The following LARGE1 variants were observed in gnomAD, a reference collection of about 807,000 sequenced individuals.
The protein encoded by LARGE1 is LARGE xylosyl- and glucuronyltransferase 1.
LARGE1 carries 43 observed loss-of-function variants against 87.6 expected under a neutral mutation model. That is an observed-to-expected ratio of 0.49 (90% CI 0.38 to 0.63). LARGE1 has a LOEUF of 0.63. Among genes scored for constraint, LARGE1 ranks in the 30% least tolerant of loss-of-function variants. The pLI, the probability that LARGE1 is intolerant of heterozygous loss-of-function variation, is 0.00. For synonymous variants in LARGE1, 434 were observed against 394.6 expected (o/e 1.10, Z -1.18); for missense variants, 802 against 1,000.2 (o/e 0.80, Z 2.67).
chr22:33,891,682 T>C (rs2065010566), intron 1 of LARGE1, among the ~76,000 whole-genome samples: 1 of 152,206 alleles, frequency 6.6e-6, no homozygotes, highest in African/African-American at 2.4e-5. Context: ...ACACAGTACA[T>C]AGACCAAATA....
intron 11 of LARGE1, among the ~76,000 whole-genome samples, chr22:33,172,143 G>C (rs1274444362): frequency 6.6e-6 from 1 of 152,252 alleles, no homozygotes; most frequent in Non-Finnish European, 1.5e-5. Context: ...CATGGGGCCT[G>C]TGGCCCCTTT....
At chr22:33,428,929 C>CA (rs113271121) in intron 7 of LARGE1, among the ~76,000 whole-genome samples, 31,449 of 105,302 alleles carry the variant, frequency 0.3, 6,302 homozygotes, top group African/African-American at 0.57. Context: ...GACTCTGTCT[C>CA]AAAAAAAAAG....
At chr22:33,268,485 T>C (rs1174968687), downstream of LARGE1, among the ~76,000 whole-genome samples, 3 of 150,266 alleles carry the variant, frequency 2.0e-5, no homozygotes, top group African/African-American at 4.9e-5. Flanking sequence ...CTGGAGTGCA[T>C]GGCGCGATCT....
intron 1 of LARGE1, among the ~76,000 whole-genome samples, chr22:33,860,876 G>A (rs369758401): frequency 1.3e-5 from 2 of 152,156 alleles, no homozygotes; most frequent in African/African-American, 4.8e-5. Context: ...CGTGGGCGCA[G>A]CCAGCCTGAG....
chr22:33,821,952 G>GT (rs11425081), intron 1 of LARGE1, among the ~76,000 whole-genome samples: 77,072 of 137,676 alleles, frequency 0.56, 22,033 homozygotes, highest in African/African-American at 0.72. Flanking sequence ...ACTTTTTTAG[G>GT]TTTTTTTTTT....
intron 1 of LARGE1, among the ~76,000 whole-genome samples, chr22:33,762,453 C>T (rs86477): frequency 0.39 from 58,754 of 151,822 alleles, 11,481 homozygotes; most frequent in East Asian, 0.44. Context: ...CTAAAGAGCA[C>T]ATGCCAAGGC....
chr22:33,657,435 C>A (rs1295831360), intron 2 of LARGE1, among the ~76,000 whole-genome samples: 3 of 152,180 alleles, frequency 2.0e-5, no homozygotes, highest in Non-Finnish European at 4.4e-5. Context: ...CAAACTTTTT[C>A]TGTAAACATC....
chr22:33,501,068 G>T, intron 6 of LARGE1, among the ~76,000 whole-genome samples: 1 of 152,140 alleles, frequency 6.6e-6, no homozygotes, highest in East Asian at 1.9e-4. Context: ...CCCTAAGGAG[G>T]AATCAAAGAC....
chr22:33,722,320 G>GGGAGAGGAGGGAGAGGGAGA (rs1221906227), intron 2 of LARGE1, among the ~76,000 whole-genome samples: 2 of 133,442 alleles, frequency 1.5e-5, no homozygotes, highest in African/African-American at 2.7e-5. Context: ...AGGAGGGAGA[G>GGGAGAGGAGGGAGAGGGAGA]GGAGAGGAGG....
chr22:33,463,991 G>C (rs2068486138), intron 6 of LARGE1, among the ~76,000 whole-genome samples: 1 of 152,006 alleles, frequency 6.6e-6, no homozygotes, highest in Non-Finnish European at 1.5e-5. Flanking sequence ...GTTTTTAATA[G>C]TTCAATTTTT....
intron 11 of LARGE1, among the ~76,000 whole-genome samples, chr22:33,232,543 AG>A (rs1442903999): frequency 6.6e-6 from 1 of 152,248 alleles, no homozygotes; most frequent in African/African-American, 2.4e-5. Context: ...GATGGACTAA[AG>A]ATTAGCTTAA....
At chr22:33,401,210 GTTGA>G (rs2065916277) in intron 7 of LARGE1, among the ~76,000 whole-genome samples, 1 of 152,162 alleles carries the variant, frequency 6.6e-6, no homozygotes, top group Non-Finnish European at 1.5e-5. Context: ...CTTGTTATGA[GTTGA>G]TTGTGTCCTC....
At chr22:33,534,481 T>C (rs528929355) in intron 6 of LARGE1, among the ~76,000 whole-genome samples, 2 of 151,188 alleles carry the variant, frequency 1.3e-5, no homozygotes, top group Non-Finnish European at 2.9e-5. Context: ...GAGGGTCCAG[T>C]CAAGAAACCC....
chr22:33,725,208 T>C (rs528623571), intron 2 of LARGE1: 1 of 152,740 alleles, frequency 6.5e-6, no homozygotes, highest in South Asian at 2.1e-4. Flanking sequence ...GGTCTGATGG[T>C]GGGTCTGAGC....
intron 5 of LARGE1, among the ~76,000 whole-genome samples, chr22:33,588,788 G>C (rs1467974983): frequency 6.6e-6 from 1 of 152,160 alleles, no homozygotes; most frequent in Non-Finnish European, 1.5e-5. Flanking sequence ...TACACTCTTA[G>C]TATAAAGGTG....
intron 11 of LARGE1, among the ~76,000 whole-genome samples, chr22:33,223,473 A>C (rs1925560092): frequency 6.6e-6 from 1 of 152,250 alleles, no homozygotes; most frequent in South Asian, 2.1e-4. Context: ...GTTTACTTTC[A>C]TCTGCCTGGA....
intron 11 of LARGE1, among the ~76,000 whole-genome samples, chr22:33,309,548 G>A (rs868866794): frequency 1.3e-4 from 20 of 152,192 alleles, no homozygotes; most frequent in African/African-American, 4.6e-4. Flanking sequence ...CTCTCTGTGA[G>A]CCAGGAAGTG....
intron 11 of LARGE1, among the ~76,000 whole-genome samples, chr22:33,212,172 T>C (rs1924997489): frequency 1.3e-5 from 2 of 151,730 alleles, no homozygotes; most frequent in South Asian, 4.1e-4. Context: ...AAAAAAGCCA[T>C]CTAGGACTTT....
At chr22:33,691,124 A>G (rs2082085984) in intron 2 of LARGE1, among the ~76,000 whole-genome samples, 1 of 152,160 alleles carries the variant, frequency 6.6e-6, no homozygotes, top group South Asian at 2.1e-4. Flanking sequence ...CAAATTTGCT[A>G]TGGATGTCAT....
Sources: gnomAD v4.1 joint callset for allele counts (sites outside exome capture counted in the v4.1 genomes callset) on GRCh38, gnomAD v4.1.1 for gene constraint, MANE v1.5 for transcripts, NCBI Gene and HGNC (gene_info 2026-07-23, HGNC 2026-07-21) for gene names.